The following LDB2 variants were observed in gnomAD, a reference collection of about 807,000 sequenced individuals.
The protein encoded by LDB2 is LIM domain binding 2, also known as LIM domain-binding protein 2.
A neutral mutation model predicts 44.3 loss-of-function variants in LDB2; 12 were observed. That is an observed-to-expected ratio of 0.27 (90% CI 0.17 to 0.44). LDB2 has a LOEUF of 0.44. Among genes scored for constraint, LDB2 ranks in the 20% least tolerant of loss-of-function variants. LDB2 has a pLI of 1.00. For synonymous variants in LDB2, 164 were observed against 174.8 expected, an observed-to-expected ratio of 0.94 and a Z score of 0.49; for missense variants, 344 against 473.5, an observed-to-expected ratio of 0.73 and a Z score of 2.54.
Position 16,524,803 on chromosome 4 carries a change from T to C in LDB2, c.616-12699A>G, listed in dbSNP as rs540364887. Among the ~76,000 whole-genome samples, 10 of 152,246 alleles carry C rather than the reference T, an allele frequency of 6.6e-5. No homozygotes were observed. In the South Asian group the frequency reaches 2.1e-3, roughly 32 times the overall value. On this transcript the variant is annotated intron_variant, in intron 5 of 7. Coordinates refer to ENST00000304523, the MANE Select transcript of LDB2 (RefSeq NM_001290.5). Reference sequence around the variant, plus strand: ...GTTTGGTGAAACAAAGCACCAAATATCCCAAAAGGCAAACAATGGCTGCTT... The same window carrying C: ...GTTTGGTGAAACAAAGCACCAAATACCCCAAAAGGCAAACAATGGCTGCTT...
At chr4:16,784,082 T>C (rs1773880343) in intron 1 of LDB2, among the ~76,000 whole-genome samples, 1 of 152,206 alleles carries the variant, frequency 6.6e-6, no homozygotes, top group South Asian at 2.1e-4. Flanking sequence ...GCTAACTTTT[T>C]GTGTGATTTT....
At chr4:16,756,007 GA>G (rs1766564678) in intron 2 of LDB2, among the ~76,000 whole-genome samples, 1 of 152,208 alleles carries the variant, frequency 6.6e-6, no homozygotes, top group Non-Finnish European at 1.5e-5. Flanking sequence ...TCAGGGGAGT[GA>G]AGGGCTTAAG....
chr4:16,784,916 C>G (rs796691051), intron 1 of LDB2, among the ~76,000 whole-genome samples: 1 of 152,076 alleles, frequency 6.6e-6, no homozygotes, highest in African/African-American at 2.4e-5. Flanking sequence ...ACTGTCGACA[C>G]CCCTTTGCTC....
chr4:16,792,115 G>A (rs1352926057), intron 1 of LDB2, among the ~76,000 whole-genome samples: 1 of 152,166 alleles, frequency 6.6e-6, no homozygotes, highest in Non-Finnish European at 1.5e-5. Flanking sequence ...CAAAATGGGT[G>A]TGGATTTGAG....
intron 2 of LDB2, chr4:16,726,347 A>G (rs1210014052): frequency 6.6e-6 from 1 of 152,198 alleles, no homozygotes; most frequent in Non-Finnish European, 1.5e-5. Flanking sequence ...CTGAATACCA[A>G]TGATAAATCC....
intron 1 of LDB2, among the ~76,000 whole-genome samples, chr4:16,847,387 A>C (rs559467972): frequency 6.6e-6 from 1 of 152,328 alleles, no homozygotes; most frequent in African/African-American, 2.4e-5. Context: ...TTCTAGAGGA[A>C]GATTTTAGGA....
chr4:16,567,143 C>T (rs949180032), intron 5 of LDB2, among the ~76,000 whole-genome samples: 4 of 152,172 alleles, frequency 2.6e-5, no homozygotes, highest in African/African-American at 4.8e-5. Context: ...ATTTCTCCTA[C>T]ATATTTAGTT....
intron 5 of LDB2, among the ~76,000 whole-genome samples, chr4:16,551,890 A>G (rs1395412230): frequency 6.6e-6 from 1 of 152,186 alleles, no homozygotes; most frequent in Non-Finnish European, 1.5e-5. Flanking sequence ...TGAGTTTCTT[A>G]AAGATATTAC....
chr4:16,671,872 C>T (rs1190091415), intron 2 of LDB2, among the ~76,000 whole-genome samples: 1 of 151,856 alleles, frequency 6.6e-6, no homozygotes, highest in Non-Finnish European at 1.5e-5. Context: ...TAGTTGCTTT[C>T]CACACAGAAT....
chr4:16,781,282 A>T (rs1773162900), intron 1 of LDB2, among the ~76,000 whole-genome samples: 1 of 152,358 alleles, frequency 6.6e-6, no homozygotes, highest in East Asian at 1.9e-4. Flanking sequence ...GGCAGCTGTC[A>T]TGCGCGGCAG....
At chr4:16,723,071 A>G (rs1758648743) in intron 2 of LDB2, among the ~76,000 whole-genome samples, 1 of 152,208 alleles carries the variant, frequency 6.6e-6, no homozygotes, top group Non-Finnish European at 1.5e-5. Flanking sequence ...GTTAAGGAGC[A>G]TCTGTACTGT....
chr4:16,661,713 G>A (rs1741641021), intron 2 of LDB2, among the ~76,000 whole-genome samples: 1 of 152,088 alleles, frequency 6.6e-6, no homozygotes, highest in Non-Finnish European at 1.5e-5. Context: ...AAGGACTTAG[G>A]GCCCAGGCAT....
At chr4:16,703,960 G>A (rs1047182352) in intron 2 of LDB2, among the ~76,000 whole-genome samples, 3 of 152,040 alleles carry the variant, frequency 2.0e-5, no homozygotes, top group Non-Finnish European at 4.4e-5. Flanking sequence ...TTTCCTTTAG[G>A]GAAAGATTTC....
intron 1 of LDB2, among the ~76,000 whole-genome samples, chr4:16,761,534 C>G (rs77143840): frequency 6.6e-6 from 1 of 152,126 alleles, no homozygotes; most frequent in Non-Finnish European, 1.5e-5. Flanking sequence ...AACACTGCCC[C>G]CTCCCAGCTT....
At chr4:16,687,874 C>A (rs1199824054) in intron 2 of LDB2, among the ~76,000 whole-genome samples, 2 of 152,118 alleles carry the variant, frequency 1.3e-5, no homozygotes, top group East Asian at 3.9e-4. Context: ...TCATCATAAG[C>A]AAAAATATGG....
chr4:16,649,833 A>G (rs1737776386), intron 2 of LDB2, among the ~76,000 whole-genome samples: 1 of 152,186 alleles, frequency 6.6e-6, no homozygotes, highest in South Asian at 2.1e-4. Flanking sequence ...CATGCTATTA[A>G]AGTTCCTCTG....
chr4:16,763,762 A>T (rs1394629092), intron 1 of LDB2, among the ~76,000 whole-genome samples: 2 of 152,204 alleles, frequency 1.3e-5, no homozygotes, highest in East Asian at 3.9e-4. Flanking sequence ...AGCCTTATAG[A>T]GAACTTATGT....
At chr4:16,720,867 A>G (rs963938766) in intron 2 of LDB2, among the ~76,000 whole-genome samples, 7 of 152,144 alleles carry the variant, frequency 4.6e-5, no homozygotes, top group African/African-American at 1.7e-4. Context: ...AAGCGGTAGG[A>G]TCCTTCTCAA....
At chr4:16,612,610 T>C (rs139306838) in intron 2 of LDB2, among the ~76,000 whole-genome samples, 151 of 151,292 alleles carry the variant, frequency 1.0e-3, no homozygotes, top group African/African-American at 3.6e-3. Flanking sequence ...TAGAAGAAAT[T>C]GATAAATTCC....
Sources: gnomAD v4.1 joint callset for allele counts (sites outside exome capture counted in the v4.1 genomes callset) on GRCh38, gnomAD v4.1.1 for gene constraint, MANE v1.5 for transcripts, NCBI Gene and HGNC (gene_info 2026-07-23, HGNC 2026-07-21) for gene names.